The following NRXN3 variants were observed in gnomAD, a reference collection of about 807,000 sequenced individuals.
NRXN3 encodes neurexin 3, also known as neurexin III.
NRXN3 carries 32 observed loss-of-function variants against 137.6 expected under a neutral mutation model. That is an observed-to-expected ratio of 0.23 (90% CI 0.18 to 0.31). The LOEUF (loss-of-function observed/expected upper bound fraction) is 0.31, where lower values mean the gene tolerates loss of function less well. NRXN3 is among the 10% of genes least tolerant of loss of function. The pLI is 1.00. For synonymous variants in NRXN3, 798 were observed against 784.5 expected (o/e 1.02, Z -0.29); for missense variants, 1,574 against 2,062.5 (o/e 0.76, Z 4.59).
chr14:79,317,741 T>G (rs112713371), intron 15 of NRXN3, among the ~76,000 whole-genome samples: 1 of 152,234 alleles, frequency 6.6e-6, no homozygotes, highest in African/African-American at 2.4e-5. Context: ...AATGAAAGTT[T>G]TAGAACATCT....
chr14:79,461,565 T>C (rs2096341557), intron 15 of NRXN3, among the ~76,000 whole-genome samples: 1 of 152,112 alleles, frequency 6.6e-6, no homozygotes, highest in Admixed American at 6.5e-5. Context: ...GAAAATCAGA[T>C]ATTACGAGAT....
chr14:78,975,177 A>G (rs2099460362), intron 14 of NRXN3, among the ~76,000 whole-genome samples: 1 of 152,154 alleles, frequency 6.6e-6, no homozygotes, highest in African/African-American at 2.4e-5. Context: ...ATCAGCCAAT[A>G]ATTACAATGC....
intron 15 of NRXN3, among the ~76,000 whole-genome samples, chr14:79,193,718 C>T (rs2064741286): frequency 6.6e-6 from 1 of 152,036 alleles, no homozygotes; most frequent in Admixed American, 6.6e-5. Context: ...TTGAAGACAA[C>T]AGTAAAGGAA....
chr14:79,823,453 A>G (rs925493847), intron 20 of NRXN3, among the ~76,000 whole-genome samples: 2 of 152,144 alleles, frequency 1.3e-5, no homozygotes, highest in African/African-American at 4.8e-5. Flanking sequence ...GCGCATGCCT[A>G]TAGTTCCAGC....
At chr14:78,826,535 C>T (rs1567431816) in intron 10 of NRXN3, among the ~76,000 whole-genome samples, 2 of 152,168 alleles carry the variant, frequency 1.3e-5, no homozygotes, top group Non-Finnish European at 2.9e-5. Flanking sequence ...GCATTAAGCC[C>T]CAAACTCATT....
chr14:79,413,804 C>G (rs1192918544), intron 15 of NRXN3, among the ~76,000 whole-genome samples: 3 of 139,368 alleles, frequency 2.2e-5, no homozygotes, highest in African/African-American at 8.2e-5. Flanking sequence ...CTGGGACTTT[C>G]TAATCTTGAA....
At chr14:79,198,200 C>T (rs1416141203) in intron 15 of NRXN3, among the ~76,000 whole-genome samples, 2 of 152,130 alleles carry the variant, frequency 1.3e-5, no homozygotes, top group African/African-American at 2.4e-5. Context: ...TCTCCTTCCC[C>T]CTTATGTGCT....
chr14:78,265,172 G>C (rs1364788766), intron 2 of NRXN3, among the ~76,000 whole-genome samples: 1 of 152,098 alleles, frequency 6.6e-6, no homozygotes, highest in African/African-American at 2.4e-5. Flanking sequence ...TTCTTTATTG[G>C]GAAGTTGTAG....
chr14:79,092,643 G>A (rs930046503), intron 15 of NRXN3, among the ~76,000 whole-genome samples: 1 of 152,178 alleles, frequency 6.6e-6, no homozygotes, highest in African/African-American at 2.4e-5. Context: ...TTTTGCTGAA[G>A]CTTCTTTCTC....
intron 15 of NRXN3, among the ~76,000 whole-genome samples, chr14:79,132,960 G>T (rs2057751448): frequency 6.6e-6 from 1 of 152,178 alleles, no homozygotes; most frequent in African/African-American, 2.4e-5. Context: ...ACAGGTCATT[G>T]AATGCGGGTC....
intron 1 of NRXN3, among the ~76,000 whole-genome samples, chr14:78,198,155 A>G (rs529760110): frequency 1.3e-5 from 2 of 152,344 alleles, no homozygotes; most frequent in Admixed American, 6.5e-5. Context: ...TCTATCTGGC[A>G]CATGAGTTTG....
intron 16 of NRXN3, among the ~76,000 whole-genome samples, chr14:79,602,157 A>C (rs374664686): frequency 6.6e-6 from 1 of 152,224 alleles, no homozygotes; most frequent in African/African-American, 2.4e-5. Flanking sequence ...AGCACAGTTG[A>C]TTCTCTTCAC....
chr14:79,070,992 A>G lies in NRXN3; in HGVS notation c.3262+82851A>G, dbSNP rs1280074172. Among the ~76,000 whole-genome samples the G allele has an allele frequency of 2.6e-5, 4 of 152,266 alleles. No homozygotes were observed. The East Asian group carries it at 5.8e-4, about 22-fold the overall frequency. On this transcript the variant is annotated intron_variant, in intron 15 of 20. Coordinates refer to ENST00000335750, the MANE Select transcript of NRXN3 (RefSeq NM_001330195.2). ...TGCATAGCAATTTCTCTTGCCCTGG[A>G]GTAGTTAGTGTCAAACTCTTTTTAC...
chr14:78,563,193 G>A (rs1044485563), intron 4 of NRXN3, among the ~76,000 whole-genome samples: 2 of 152,156 alleles, frequency 1.3e-5, no homozygotes, highest in Non-Finnish European at 2.9e-5. Context: ...AATTTCTTAT[G>A]ACCTAGCTTC....
At chr14:78,771,806 C>T (rs1304560781) in intron 8 of NRXN3, among the ~76,000 whole-genome samples, 1 of 152,168 alleles carries the variant, frequency 6.6e-6, no homozygotes, top group Non-Finnish European at 1.5e-5. Flanking sequence ...TGTGCCCAGG[C>T]CTTTAGAAAG....
chr14:78,225,983 GTGTGTGT>G (rs1567013752), intron 1 of NRXN3, among the ~76,000 whole-genome samples: 11 of 130,198 alleles, frequency 8.4e-5, no homozygotes, highest in Non-Finnish European at 1.6e-4. Context: ...TGGTGTGTGT[GTGTGTGT>G]GTGTGTGTGT....
At chr14:79,527,159 T>A (rs2153711443) in intron 16 of NRXN3, among the ~76,000 whole-genome samples, 1 of 151,946 alleles carries the variant, frequency 6.6e-6, no homozygotes, top group Non-Finnish European at 1.5e-5. Flanking sequence ...CCGGGCATGG[T>A]GGCAGAAGCC....
intron 16 of NRXN3, among the ~76,000 whole-genome samples, chr14:79,506,034 T>G (rs986946420): frequency 3.9e-5 from 6 of 152,196 alleles, no homozygotes; most frequent in Admixed American, 1.3e-4. Flanking sequence ...GCAGCATGAT[T>G]CTTTGAAGAA....
At chr14:78,444,967 A>T (rs1381603595) in intron 4 of NRXN3, among the ~76,000 whole-genome samples, 1 of 150,614 alleles carries the variant, frequency 6.6e-6, no homozygotes, top group Non-Finnish European at 1.5e-5. Context: ...TGAGTAAGGG[A>T]GTAAGGCCAC....
Sources: gnomAD v4.1 joint callset for allele counts (sites outside exome capture counted in the v4.1 genomes callset) on GRCh38, gnomAD v4.1.1 for gene constraint, MANE v1.5 for transcripts, NCBI Gene and HGNC (gene_info 2026-07-23, HGNC 2026-07-21) for gene names.